THRB: variants seen among roughly 807,000 people sequenced by gnomAD.
THRB encodes the protein nuclear receptor subfamily 1 group A member 2.
THRB carries 12 observed loss-of-function variants against 47.8 expected under a neutral mutation model. The ratio of observed to expected loss-of-function variants is 0.25; its 90% confidence interval spans 0.16 to 0.41. The LOEUF (loss-of-function observed/expected upper bound fraction) is 0.41, where lower values mean the gene tolerates loss of function less well. Ranked by LOEUF, THRB falls within the 10% of genes least tolerant of loss-of-function variation. The pLI, the probability that THRB is intolerant of heterozygous loss-of-function variation, is 1.00. For synonymous variants in THRB, 218 were observed against 212.2 expected (o/e 1.03, Z -0.24); for missense variants, 348 against 589.2 (o/e 0.59, Z 4.24).
At chr3:24,372,009 T>C (rs1054524001) in intron 1 of THRB, among the ~76,000 whole-genome samples, 1 of 152,134 alleles carries the variant, frequency 6.6e-6, no homozygotes, top group Non-Finnish European at 1.5e-5. Context: ...CCGGAAATCA[T>C]AATGCTGCCA....
At chr3:24,158,278 A>G (rs1281167954) in intron 5 of THRB, among the ~76,000 whole-genome samples, 1 of 152,260 alleles carries the variant, frequency 6.6e-6, no homozygotes, top group African/African-American at 2.4e-5. Context: ...CTCCACAGTC[A>G]GAACCTCTCC....
chr3:24,243,556 T>C (rs1312272140), intron 3 of THRB, among the ~76,000 whole-genome samples: 4 of 152,062 alleles, frequency 2.6e-5, no homozygotes, highest in Non-Finnish European at 5.9e-5. Context: ...GTTGAACACC[T>C]GAAGTTCTCG....
At chr3:24,350,345 T>C (rs1489767960) in intron 1 of THRB, among the ~76,000 whole-genome samples, 1 of 152,022 alleles carries the variant, frequency 6.6e-6, no homozygotes, top group East Asian at 1.9e-4. Context: ...GCAACTTCAC[T>C]CCCAAACCTA....
At chr3:24,368,320 A>G (rs2064639191) in intron 1 of THRB, among the ~76,000 whole-genome samples, 1 of 152,124 alleles carries the variant, frequency 6.6e-6, no homozygotes, top group Non-Finnish European at 1.5e-5. Context: ...TGACAAGATG[A>G]CCATGGCAGG....
chr3:24,160,014 C>A (rs2683534), intron 5 of THRB, among the ~76,000 whole-genome samples: 13 of 151,914 alleles, frequency 8.6e-5, no homozygotes, highest in African/African-American at 2.7e-4. Context: ...TGGTTGGGAG[C>A]GGGGGTGATG....
At chr3:24,187,477 A>G (rs751606925) in intron 5 of THRB, among the ~76,000 whole-genome samples, 1 of 152,110 alleles carries the variant, frequency 6.6e-6, no homozygotes, top group Non-Finnish European at 1.5e-5. Context: ...CCTCAGGACT[A>G]TTTTGTTCGT....
intron 5 of THRB, among the ~76,000 whole-genome samples, chr3:24,155,284 G>A (rs1055062488): frequency 6.6e-6 from 1 of 152,182 alleles, no homozygotes; most frequent in Non-Finnish European, 1.5e-5. Flanking sequence ...GGGTGGAGGT[G>A]ATTAAATGAC....
chr3:24,482,796 A>G (rs922701497), intron 1 of THRB, among the ~76,000 whole-genome samples: 32 of 152,212 alleles, frequency 2.1e-4, no homozygotes, highest in African/African-American at 7.0e-4. Flanking sequence ...TTTCTCACCT[A>G]TTATGGAATA....
chr3:24,318,063 AAAGG>A (rs770330004), intron 2 of THRB, among the ~76,000 whole-genome samples: 47 of 152,200 alleles, frequency 3.1e-4, no homozygotes, highest in Middle Eastern at 3.4e-3. Context: ...GAATGAAAAG[AAAGG>A]AAGGAAGGAA....
intron 4 of THRB, among the ~76,000 whole-genome samples, chr3:24,219,736 T>C (rs1369415694): frequency 1.3e-5 from 2 of 152,228 alleles, no homozygotes; most frequent in African/African-American, 2.4e-5. Context: ...ACATCAGTGA[T>C]TCTCAAACTT....
chr3:24,246,953 G>T (rs2050167062), intron 3 of THRB, among the ~76,000 whole-genome samples: 1 of 152,096 alleles, frequency 6.6e-6, no homozygotes, highest in African/African-American at 2.4e-5. Context: ...CATGTAATTT[G>T]AAAACAAAGA....
chr3:24,292,033 T>C (rs1197995509), intron 3 of THRB, among the ~76,000 whole-genome samples: 10 of 152,178 alleles, frequency 6.6e-5, no homozygotes, highest in African/African-American at 2.4e-4. Context: ...AATGGACTAA[T>C]ATGTGGCTGT....
chr3:24,285,045 C>G (rs1040405238), intron 3 of THRB, among the ~76,000 whole-genome samples: 2 of 152,004 alleles, frequency 1.3e-5, no homozygotes, highest in Admixed American at 6.6e-5. Flanking sequence ...GGATCTAGAA[C>G]TAGACATACC....
intron 5 of THRB, among the ~76,000 whole-genome samples, chr3:24,183,368 C>CTTTTTTTTTTTTTTTTTTTTTT (rs1193344905): frequency 1.2e-5 from 1 of 84,272 alleles, no homozygotes. Flanking sequence ...TTTTTCTTTT[C>CTTTTTTTTTTTTTTTTTTTTTT]TTTTTTTTTT....
At chr3:24,123,368 G>A (rs2032067037) in intron 10 of THRB, among the ~76,000 whole-genome samples, 1 of 152,198 alleles carries the variant, frequency 6.6e-6, no homozygotes, top group African/African-American at 2.4e-5. Flanking sequence ...TTTAGCTTGA[G>A]TGTGAATTAC....
intron 1 of THRB, among the ~76,000 whole-genome samples, chr3:24,388,552 A>C (rs1197068904): frequency 1.3e-5 from 2 of 152,322 alleles, no homozygotes; most frequent in East Asian, 3.9e-4. Flanking sequence ...ACTAGTTGCC[A>C]ACATTAAAAA....
chr3:24,308,079 T>C (rs916418387), intron 2 of THRB, among the ~76,000 whole-genome samples: 2 of 152,034 alleles, frequency 1.3e-5, no homozygotes, highest in African/African-American at 4.8e-5. Flanking sequence ...GGATATTAGG[T>C]AGGACTATAA....
At position 24,181,634 on chromosome 3, in the gene THRB, T is replaced by C. The variant is rs1575647415; in HGVS notation, c.283+8440A>G. On this transcript the variant is annotated intron_variant, in intron 5 of 10. Transcript: ENST00000646209. ...CAAACAGTGAGATAGGTGACATTTGTCTTTAGAGCCTTGACAATGAAGTGA... is the reference window on the plus strand; with the variant it reads ...CAAACAGTGAGATAGGTGACATTTGCCTTTAGAGCCTTGACAATGAAGTGA... Among the ~76,000 whole-genome samples, 3 of 152,346 alleles carry C rather than the reference T, an allele frequency of 2.0e-5. No homozygotes were observed. The South Asian group carries it at 6.2e-4, about 32-fold the overall frequency.
intron 1 of THRB, among the ~76,000 whole-genome samples, chr3:24,468,862 G>T (rs1265992195): frequency 6.6e-6 from 1 of 152,020 alleles, no homozygotes; most frequent in Non-Finnish European, 1.5e-5. Context: ...ACGCATAGTT[G>T]CCACAAACTT....
Sources: gnomAD v4.1 joint callset for allele counts (sites outside exome capture counted in the v4.1 genomes callset) on GRCh38, gnomAD v4.1.1 for gene constraint, MANE v1.5 for transcripts, NCBI Gene and HGNC (gene_info 2026-07-23, HGNC 2026-07-21) for gene names.